Variants in PRSS35 observed in about 807,000 individuals in gnomAD.
PRSS35 encodes inactive serine protease 35.
A neutral mutation model predicts 8.1 loss-of-function variants in PRSS35; 7 were observed. The ratio of observed to expected loss-of-function variants is 0.86; its 90% CI spans 0.49 to 1.62. The LOEUF (loss-of-function observed/expected upper bound fraction) is 1.62, where lower values mean the gene tolerates loss of function less well. Ranked by LOEUF, PRSS35 falls within the 40% of genes most tolerant of loss-of-function variation. PRSS35 has a pLI of 0.00. For synonymous variants in PRSS35, 199 were observed against 188.7 expected, an observed-to-expected ratio of 1.05 and a Z score of -0.45; for missense variants, 566 against 518.0, an observed-to-expected ratio of 1.09 and a Z score of -0.90.
intron 1 of PRSS35, among the ~76,000 whole-genome samples, chr6:83,518,314 T>C (rs1235105515): frequency 6.6e-6 from 1 of 150,508 alleles, no homozygotes; most frequent in Non-Finnish European, 1.5e-5. Flanking sequence ...CAAAAAGTTG[T>C]TTTTTTTTCA....
rs572400151 is a variant in PRSS35 at position 83,523,011 on chromosome 6, A to G, written c.-20-411A>G. Among the ~76,000 whole-genome samples the G allele has an allele frequency of 5.8e-4, 88 of 152,360 alleles. 3 individuals are homozygous for G. In the South Asian group the frequency reaches 0.013, roughly 23 times the overall value. The stretch of plus-strand genomic sequence containing the variant: ...GTAGCTAAGTGTGGGAAAAGACTGC[A>G]GCACATTTGCTTTTATCTTTATTTC... On this transcript the variant is annotated intron_variant, in intron 1 of 1. Coordinates refer to ENST00000369700, the MANE Select transcript of PRSS35 (RefSeq NM_153362.3).
chr6:83,516,588 A>G (rs552679169), intron 1 of PRSS35, among the ~76,000 whole-genome samples: 69 of 152,140 alleles, frequency 4.5e-4, no homozygotes, highest in Non-Finnish European at 8.8e-4. Context: ...AAAAAAAAAA[A>G]AAAAAAAGAA....
rs374172797 is a variant in PRSS35, at chr6:83,523,960, T to C, written c.519T>C (p.Asp173=). ...TAACTGCTGCCCACTGTGTTCATGA[T>C]GGAAAGGACTATGTCAAAGGGAGTA... ...HVLTAAHCVH[D]GKDYVKGSKK... Residue 173 remains aspartate, a synonymous_variant, in exon 2 of 2, where the codon GAT becomes GAC. Coordinates refer to ENST00000369700, the MANE Select transcript of PRSS35 (RefSeq NM_153362.3). 3 of 1,613,970 alleles carry C rather than the reference T, an allele frequency of 1.9e-6. No homozygotes were observed. The highest frequency in any genetic ancestry group is 2.7e-5 in the African/African-American group (2 of 74,882).
chr6:83,514,411 G>A (rs1771676478), intron 1 of PRSS35, among the ~76,000 whole-genome samples: 1 of 152,180 alleles, frequency 6.6e-6, no homozygotes, highest in Admixed American at 6.5e-5. Context: ...AACAGAAGTT[G>A]TGGGTTACTG....
chr6:83,523,203 G>C (rs1420340340), intron 1 of PRSS35, among the ~76,000 whole-genome samples: 1 of 152,078 alleles, frequency 6.6e-6, no homozygotes, highest in Admixed American at 6.6e-5. Flanking sequence ...GATTAGGGCT[G>C]GTGGAGGGAA....
intron 1 of PRSS35, among the ~76,000 whole-genome samples, chr6:83,522,234 A>C (rs1771835819): frequency 6.6e-6 from 1 of 152,174 alleles, no homozygotes; most frequent in Non-Finnish European, 1.5e-5. Flanking sequence ...TTGATATTTT[A>C]ACTATTAGTT....
intron 1 of PRSS35, among the ~76,000 whole-genome samples, chr6:83,522,440 G>A (rs1771839552): frequency 6.6e-6 from 1 of 152,084 alleles, no homozygotes; most frequent in South Asian, 2.1e-4. Flanking sequence ...AGTAGGAGAG[G>A]TATTATATAA....
At chr6:83,517,523 T>C (rs1771745904) in intron 1 of PRSS35, among the ~76,000 whole-genome samples, 1 of 152,244 alleles carries the variant, frequency 6.6e-6, no homozygotes, top group African/African-American at 2.4e-5. Context: ...TCTTTAGTGC[T>C]TGCTTTATTC....
At position 83,523,950 on chromosome 6, in the gene PRSS35, G is replaced by C; in HGVS notation, c.509G>C (p.Cys170Ser). 6.2e-7 allele frequency: 1 copy of C among 1,614,194 alleles called. No homozygotes were observed. The highest frequency in any genetic ancestry group is 8.5e-7 in the Non-Finnish European group (1 of 1,180,038). The change falls in exon 2 of 2, where the codon TGT becomes TCT. Residue 170 changes from cysteine to serine, a missense_variant. Physicochemically the swap from Cys to Ser is moderately radical, Grantham distance 112. Coordinates refer to ENST00000369700, the MANE Select transcript of PRSS35 (RefSeq NM_153362.3). Reference sequence around the variant, plus strand: ...CAGCATGTTCTAACTGCTGCCCACTGTGTTCATGATGGAAAGGACTATGTC... The same window carrying C: ...CAGCATGTTCTAACTGCTGCCCACTCTGTTCATGATGGAAAGGACTATGTC... The part of the protein sequence containing the change: ...SPQHVLTAAH[C>S]VHDGKDYVKG...
intron 1 of PRSS35, among the ~76,000 whole-genome samples, chr6:83,514,865 A>G (rs1443052275): frequency 6.6e-6 from 1 of 152,230 alleles, no homozygotes. Flanking sequence ...GCCTGTAGGT[A>G]GGTGGGTTTT....
Position 83,523,817 on chromosome 6 carries a change from G to T in PRSS35, c.376G>T (p.Gly126Cys), listed in dbSNP as rs1411821003. 1 of 1,614,170 alleles carries T rather than the reference G, an allele frequency of 6.2e-7. No individual in the cohort carries two copies. The highest frequency in any genetic ancestry group is 1.7e-5 in the Admixed American group (1 of 60,024). Reference protein sequence around the residue: ...VSVRRKRQVYGTDSRFSILDK... With the variant: ...VSVRRKRQVYCTDSRFSILDK... ...TGTTAGGAGAAAGAGACAGGTGTAT[G>T]GCACCGACAGCAGGTTCAGCATCTT... Residue 126 changes from glycine (G) to cysteine (C), a missense_variant, in exon 2 of 2, where the codon GGC (glycine) becomes TGC (cysteine). Transcript: ENST00000369700.
At chr6:83,522,282 C>A (rs1464152932) in intron 1 of PRSS35, among the ~76,000 whole-genome samples, 1 of 151,994 alleles carries the variant, frequency 6.6e-6, no homozygotes, top group South Asian at 2.1e-4. Flanking sequence ...ATACTAGCGA[C>A]ACAGAGGTTC....
chr6:83,517,051 C>G (rs1205414338), intron 1 of PRSS35, among the ~76,000 whole-genome samples: 1 of 152,158 alleles, frequency 6.6e-6, no homozygotes, highest in African/African-American at 2.4e-5. Context: ...GTTGGCTCCC[C>G]CTGTTTGATA....
chr6:83,523,892 T>C lies in PRSS35; in HGVS notation c.451T>C (p.Ser151Pro), dbSNP rs1370066011. ...CCCTTTCAGCACAGCTGTGAAGCTT[T>C]CCACGGGCTGTAGTGGCATTCTCAT... ...NFPFSTAVKL[S>P]TGCSGILISP... is the part of the protein sequence containing the mutation. The change falls in exon 2 of 2, where the codon TCC becomes CCC. Residue 151 changes from serine to proline, a missense_variant. Physicochemically the swap from Ser to Pro is moderately conservative, Grantham distance 74. Coordinates refer to ENST00000369700, the MANE Select transcript of PRSS35 (RefSeq NM_153362.3). 1 of 1,614,214 alleles carries C rather than the reference T, an allele frequency of 6.2e-7. No homozygotes were observed. Among genetic ancestry groups the C allele is most frequent in the Non-Finnish European group, 8.5e-7 (1 of 1,180,044 alleles).
chr6:83,513,715 T>G (rs1475963318), intron 1 of PRSS35, among the ~76,000 whole-genome samples: 1 of 152,132 alleles, frequency 6.6e-6, no homozygotes, highest in Non-Finnish European at 1.5e-5. Context: ...ATGTGGATAC[T>G]GTACCCCATT....
intron 1 of PRSS35, among the ~76,000 whole-genome samples, chr6:83,522,800 AT>A (rs1771846834): frequency 1.3e-5 from 2 of 151,994 alleles, no homozygotes; most frequent in Admixed American, 1.3e-4. Flanking sequence ...TTAATTAGCA[AT>A]TTATTTATTG....
At chr6:83,519,119 C>T (rs987737095) in intron 1 of PRSS35, among the ~76,000 whole-genome samples, 2 of 152,146 alleles carry the variant, frequency 1.3e-5, no homozygotes, top group Admixed American at 6.5e-5. Flanking sequence ...TAAGTGATCT[C>T]GTAGTCAAGT....
intron 1 of PRSS35, among the ~76,000 whole-genome samples, chr6:83,515,847 G>C (rs1343137437): frequency 6.7e-6 from 1 of 150,088 alleles, no homozygotes; most frequent in Non-Finnish European, 1.5e-5. Context: ...ACGGAGTCTC[G>C]CTCTGTTGCC....
At chr6:83,516,764 T>G (rs1392209796) in intron 1 of PRSS35, among the ~76,000 whole-genome samples, 2 of 152,146 alleles carry the variant, frequency 1.3e-5, no homozygotes, top group Non-Finnish European at 2.9e-5. Flanking sequence ...CCTCAGCTCA[T>G]GATCCTGCAT....
Sources: gnomAD v4.1 joint callset for allele counts (sites outside exome capture counted in the v4.1 genomes callset) on GRCh38, gnomAD v4.1.1 for gene constraint, MANE v1.5 for transcripts, NCBI Gene and HGNC (gene_info 2026-07-23, HGNC 2026-07-21) for gene names.